CREB5: variants seen among roughly 807,000 people sequenced by gnomAD.
CREB5 encodes cAMP responsive element binding protein 5.
Under a neutral mutation model 57.1 loss-of-function variants are expected in CREB5, and 19 were observed. That is an observed-to-expected ratio of 0.33 (90% CI 0.23 to 0.49). CREB5 has a LOEUF of 0.49. Ranked by LOEUF, CREB5 falls within the 20% of genes least tolerant of loss-of-function variation. The pLI is 0.99. For missense variants in CREB5, 579 were observed against 671.6 expected, an observed-to-expected ratio of 0.86 and a Z score of 1.52; for synonymous variants, 238 against 238.3, an observed-to-expected ratio of 1.00 and a Z score of 0.01.
chr7:28,732,129 C>G (rs536485424), intron 7 of CREB5, among the ~76,000 whole-genome samples: 8 of 151,998 alleles, frequency 5.3e-5, no homozygotes, highest in Non-Finnish European at 8.8e-5. Flanking sequence ...CTTTCCATTC[C>G]ATCTTTTCTC....
chr7:28,744,385 G>A (rs1008142750), intron 7 of CREB5, among the ~76,000 whole-genome samples: 5 of 67,470 alleles, frequency 7.4e-5, no homozygotes, highest in African/African-American at 3.1e-4. Context: ...GTCTTGCTTT[G>A]TTACCAGGCT....
intron 1 of CREB5, among the ~76,000 whole-genome samples, chr7:28,477,237 C>A (rs533962190): frequency 2.0e-5 from 3 of 152,252 alleles, no homozygotes; most frequent in South Asian, 2.1e-4. Context: ...AGGGCAGCCA[C>A]AATTTCCCAG....
chr7:28,702,847 A>G (rs1801931885), intron 5 of CREB5, among the ~76,000 whole-genome samples: 1 of 152,222 alleles, frequency 6.6e-6, no homozygotes. Context: ...AAGGAGACCT[A>G]AAGGATGAAT....
At position 28,821,126 on chromosome 7, in the gene CREB5, A is replaced by ATGTGTGTGTGTGTGTGTG. The variant is rs35688232; in HGVS notation, c.*1863_*1880dup. The ATGTGTGTGTGTGTGTGTG allele has an allele frequency of 1.4e-4, 20 of 146,442 alleles. 1 individual carries two copies. Among genetic ancestry groups the ATGTGTGTGTGTGTGTGTG allele is most frequent in the African/African-American group, 4.8e-4 (19 of 39,466 alleles). The allele number at this position is 146,442 out of a possible 1,614,324, so 9.1% of individuals were successfully genotyped here. ...CTCCATTTGAATGCTTGACCTCTTA[A>ATGTGTGTGTGTGTGTGTG]TGTGTGTGTGTGTGTGTGTGTGTGT... On this transcript the variant is annotated 3_prime_UTR_variant, in exon 11 of 11. Coordinates refer to ENST00000357727, the MANE Select transcript of CREB5 (RefSeq NM_182898.4).
intron 4 of CREB5, among the ~76,000 whole-genome samples, chr7:28,529,143 G>T (rs1793606800): frequency 6.6e-6 from 1 of 152,220 alleles, no homozygotes; most frequent in Non-Finnish European, 1.5e-5. Flanking sequence ...GGTGTCTGTT[G>T]CTTATTCCTG....
intron 1 of CREB5, among the ~76,000 whole-genome samples, chr7:28,363,550 G>A (rs185722792): frequency 3.3e-4 from 50 of 151,704 alleles, no homozygotes; most frequent in South Asian, 6.3e-4. Flanking sequence ...CTCATCCACC[G>A]AGAATGGGTT....
chr7:28,599,157 C>T, intron 5 of CREB5, among the ~76,000 whole-genome samples: 1 of 152,036 alleles, frequency 6.6e-6, no homozygotes, highest in East Asian at 1.9e-4. Flanking sequence ...GAAGTTCCAG[C>T]TTTGAACTAA....
chr7:28,754,523 G>A (rs1805178406), intron 7 of CREB5, among the ~76,000 whole-genome samples: 2 of 152,158 alleles, frequency 1.3e-5, no homozygotes, highest in African/African-American at 4.8e-5. Context: ...TGTAGTTATG[G>A]GGACCCCACT....
At chr7:28,805,724 T>C (rs1016206037) in intron 8 of CREB5, among the ~76,000 whole-genome samples, 1 of 127,904 alleles carries the variant, frequency 7.8e-6, no homozygotes, top group East Asian at 2.2e-4. Context: ...GAGATAACCT[T>C]AATTTTTTTC....
rs143915476 is a variant in CREB5 at position 28,510,133 on chromosome 7, C to T, written c.291+2396C>T. 4.1e-3 allele frequency among the ~76,000 whole-genome samples: 622 copies of T among 152,258 alleles called. 4 individuals are homozygous for T. Among genetic ancestry groups the T allele is most frequent in the African/African-American group, 0.014 (588 of 41,550 alleles). On this transcript the variant is annotated intron_variant, in intron 4 of 10. Transcript: ENST00000357727. ...ATGAGGAGTAGGAATAATGCTCCCC[C>T]GCCTGACAATATTCTTTTACCTACC... is the stretch of plus-strand genomic sequence containing the variant.
At chr7:28,776,262 C>T (rs1362591810) in intron 7 of CREB5, among the ~76,000 whole-genome samples, 3 of 149,818 alleles carry the variant, frequency 2.0e-5, no homozygotes, top group Non-Finnish European at 3.0e-5. Flanking sequence ...GGCGTGATCC[C>T]GGGAGGCGGA....
At chr7:28,713,745 A>G (rs1408173705) in intron 5 of CREB5, among the ~76,000 whole-genome samples, 2 of 152,206 alleles carry the variant, frequency 1.3e-5, no homozygotes, top group African/African-American at 4.8e-5. Context: ...AGATGCCTAT[A>G]GGCTCATCTG....
At chr7:28,531,758 T>C (rs1793740410) in intron 4 of CREB5, among the ~76,000 whole-genome samples, 1 of 152,006 alleles carries the variant, frequency 6.6e-6, no homozygotes. Flanking sequence ...TAGCCGGGCG[T>C]GGGGGCTCAC....
At chr7:28,403,677 T>G (rs1787521113) in intron 1 of CREB5, among the ~76,000 whole-genome samples, 1 of 152,168 alleles carries the variant, frequency 6.6e-6, no homozygotes, top group Non-Finnish European at 1.5e-5. Flanking sequence ...AGCATGGAGC[T>G]GGGGGTCTGG....
chr7:28,352,208 C>T (rs901048048), intron 1 of CREB5, among the ~76,000 whole-genome samples: 6 of 152,184 alleles, frequency 3.9e-5, no homozygotes, highest in African/African-American at 1.4e-4. Context: ...GACAAGGTCC[C>T]TTCCTTTGAG....
In CREB5 at chr7:28,817,934, A is replaced by G. The variant is rs545163013; in HGVS notation, c.1255-137A>G. 6.9e-4 allele frequency: 397 copies of G among 578,992 alleles called. 9 individuals are homozygous for G. The South Asian group carries it at 8.6e-3, about 13-fold the overall frequency. The allele number at this position is 578,992 out of a possible 1,614,324, so 35.9% of individuals were successfully genotyped here. ...AAGGTAAGCTACAAACTTTCAGGTG[A>G]ACCACATTAAATAATATTCTTAATG... On this transcript the variant is annotated intron_variant, in intron 9 of 10. Coordinates refer to ENST00000357727, the MANE Select transcript of CREB5 (RefSeq NM_182898.4).
rs56390342 is a variant in CREB5 at position 28,319,901 on chromosome 7, GT to G, written c.-25+20469del. On this transcript the variant is annotated intron_variant, in intron 1 of 9. Transcript: ENST00000396299. ...TATAAATCTTTTTGCTACAAATAGTGTTTTTTTTTCTTTTATGTAATTTTCT... is the reference window on the plus strand; with the variant it reads ...TATAAATCTTTTTGCTACAAATAGTGTTTTTTTTCTTTTATGTAATTTTCT... Among the ~76,000 whole-genome samples, 632 of 150,664 alleles carry G rather than the reference GT, an allele frequency of 4.2e-3. 6 individuals carry two copies. The highest frequency in any genetic ancestry group is 3.9e-3 in the Non-Finnish European group (265 of 67,640).
chr7:28,559,656 C>T (rs1392295137), intron 4 of CREB5, among the ~76,000 whole-genome samples: 1 of 152,172 alleles, frequency 6.6e-6, no homozygotes, highest in Non-Finnish European at 1.5e-5. Flanking sequence ...TTAAGATGAC[C>T]ACGTGCCTGA....
chr7:28,413,108 G>A (rs1170282814), intron 1 of CREB5, among the ~76,000 whole-genome samples, 191 bp downstream of exon 1: 1 of 151,752 alleles, frequency 6.6e-6, no homozygotes, highest in East Asian at 1.9e-4. Flanking sequence ...GTGTGTGTGT[G>A]TGTGTGTGTG....
Sources: gnomAD v4.1 joint callset for allele counts (sites outside exome capture counted in the v4.1 genomes callset) on GRCh38, gnomAD v4.1.1 for gene constraint, MANE v1.5 for transcripts, NCBI Gene and HGNC (gene_info 2026-07-23, HGNC 2026-07-21) for gene names.